OR8D1: variants seen among roughly 807,000 people sequenced by gnomAD.
OR8D1 encodes the protein olfactory receptor family 8 subfamily D member 1.
For missense variants in OR8D1, 384 were observed against 366.8 expected (o/e 1.05, Z -0.38); for synonymous variants, 143 against 147.0 (o/e 0.97, Z 0.20).
rs1468739119 is a variant in OR8D1 at position 124,303,935 on chromosome 11, T to C, written c.*5905A>G. 6.6e-6 allele frequency: 1 copy of C among 152,018 alleles called. No homozygotes were observed. Among genetic ancestry groups the C allele is most frequent in the African/African-American group, 2.4e-5 (1 of 41,432 alleles). 9.4% of individuals were successfully genotyped at this position (152,018 alleles called of 1,614,324 possible). On this transcript the variant is annotated 3_prime_UTR_variant, in exon 3 of 3. Coordinates refer to ENST00000641015, the MANE Select transcript of OR8D1 (RefSeq NM_001002917.2). ...ATTGTTTATGAGCTAATATCACTTT[T>C]TACATTTTTAAATGGTTGAAAAAAA...
At chr11:124,311,482 A>T (rs1197304526) in intron 2 of OR8D1, 90 bp downstream of exon 2, 1 of 152,332 alleles carries the variant, frequency 6.6e-6, no homozygotes, top group South Asian at 2.1e-4. Flanking sequence ...TCGGACCTCA[A>T]CTATTGCCAG....
In OR8D1 at chr11:124,310,373, A is replaced by G; in HGVS notation, c.394T>C (p.Tyr132His). 6.2e-7 allele frequency: 1 copy of G among 1,613,646 alleles called. No homozygotes were observed. Among genetic ancestry groups the G allele is most frequent in the Non-Finnish European group, 8.5e-7 (1 of 1,179,874 alleles). Residue 132 changes from tyrosine to histidine, a missense_variant, in exon 3 of 3, where the codon TAT becomes CAT. Transcript: ENST00000641015. Reference sequence around the variant, plus strand: ...ACCCATGAGGACATGATCGCATTATAAAGCAGTGGGCTACAGATGGCAACA... The same window carrying G: ...ACCCATGAGGACATGATCGCATTATGAAGCAGTGGGCTACAGATGGCAACA... ...RYVAICSPLL[Y>H]NAIMSSWVCS...
intron 1 of OR8D1, 25 bp downstream of exon 1, chr11:124,313,696 G>C (rs2137795143): frequency 6.6e-6 from 1 of 152,228 alleles, no homozygotes; most frequent in Admixed American, 6.5e-5. Flanking sequence ...TAATATGATG[G>C]TCATAAAGGA....
Position 124,310,088 on chromosome 11 carries a change from G to T in OR8D1, c.679C>A (p.His227Asn). The change falls in exon 3 of 3, where the codon CAC becomes AAC. Residue 227 changes from histidine to asparagine, a missense_variant. Transcript: ENST00000641015. ...GACCGGCCCTCTGAGGAGCGGATGT[G>T]AAGGATGCTGTAGAGGATGAAGGCA... ...SYAFILYSIL[H>N]IRSSEGRSKA... 1.2e-6 allele frequency: 2 copies of T among 1,613,638 alleles called. No homozygotes were observed. The highest frequency in any genetic ancestry group is 2.2e-5 in the South Asian group (2 of 91,062).
At position 124,306,985 on chromosome 11, in the gene OR8D1, G is replaced by C. The variant is rs575193053; in HGVS notation, c.*2855C>G. The C allele has an allele frequency of 2.2e-4, 33 of 152,078 alleles. No homozygotes were observed. The South Asian group carries it at 3.9e-3, about 18-fold the overall frequency. The allele number at this position is 152,078 out of a possible 1,614,324, so 9.4% of individuals were successfully genotyped here. A position where few individuals can be genotyped will look rare whatever the true frequency, so the allele number is the denominator to read the frequency against. On this transcript the variant is annotated 3_prime_UTR_variant, in exon 3 of 3. Transcript: ENST00000641015. ...CATATTTTAGAAACAATATATCCTT[G>C]GTTATCCTTGCCTATGAAATTCTAC...
In OR8D1 at chr11:124,307,620, A is replaced by G. The variant is rs904615770; in HGVS notation, c.*2220T>C. On this transcript the variant is annotated 3_prime_UTR_variant, in exon 3 of 3. Transcript: ENST00000641015. Reference sequence around the variant, plus strand: ...TAGCAACTGCGAAAGCCACTTAAGAATCAGAAAATATTGGTGCAGCTTAAA... The same window carrying G: ...TAGCAACTGCGAAAGCCACTTAAGAGTCAGAAAATATTGGTGCAGCTTAAA... 1 of 152,168 alleles carries G rather than the reference A, an allele frequency of 6.6e-6. No individual in the cohort carries two copies. Among genetic ancestry groups the G allele is most frequent in the Non-Finnish European group, 1.5e-5 (1 of 68,020 alleles). The allele number at this position is 152,168 out of a possible 1,614,324, so 9.4% of individuals were successfully genotyped here. A position where few individuals can be genotyped will look rare whatever the true frequency, so the allele number is the denominator to read the frequency against.
chr11:124,310,673 G>A lies in OR8D1; in HGVS notation c.94C>T (p.Leu32=). 1 of 1,613,970 alleles carries A rather than the reference G, an allele frequency of 6.2e-7. No homozygotes were observed. Among genetic ancestry groups the A allele is most frequent in the Non-Finnish European group, 8.5e-7 (1 of 1,179,876 alleles). ...ELQLPLFLLF[L]GIYVVTVVGN... Reference sequence around the variant, plus strand: ...ACTACTGTGACCACATAGATTCCCAGGAACAGGAGGAAGAGGGGCAGCTGG... The same window carrying A: ...ACTACTGTGACCACATAGATTCCCAAGAACAGGAGGAAGAGGGGCAGCTGG... The change falls in exon 3 of 3, where the codon CTG becomes TTG. Residue 32 remains leucine, a synonymous_variant. Transcript: ENST00000641015.
rs564490920 is a variant in OR8D1, at chr11:124,310,769, T to G, written c.-3A>C. The stretch of plus-strand genomic sequence containing the variant: ...ATAGAATAATTTTCCATGGTCATTC[T>G]TCTTTAGGCATTTCTGTGAAAATAG... On this transcript the variant is annotated 5_prime_UTR_variant, in exon 3 of 3. Coordinates refer to ENST00000641015, the MANE Select transcript of OR8D1 (RefSeq NM_001002917.2). 3.7e-6 allele frequency: 6 copies of G among 1,602,618 alleles called. No individual in the cohort carries two copies. The South Asian group carries it at 5.6e-5, about 15-fold the overall frequency.
At position 124,306,494 on chromosome 11, in the gene OR8D1, G is replaced by A. The variant is rs1014775514; in HGVS notation, c.*3346C>T. On this transcript the variant is annotated 3_prime_UTR_variant, in exon 3 of 3. Coordinates refer to ENST00000641015, the MANE Select transcript of OR8D1 (RefSeq NM_001002917.2). ...GTATTAACTTCAAATCACCATTTAC[G>A]TATTTTTATTTTGGTCAGCTAAAAT... 5 of 150,872 alleles carry A rather than the reference G, an allele frequency of 3.3e-5. No homozygotes were observed. Among genetic ancestry groups the A allele is most frequent in the African/African-American group, 4.9e-5 (2 of 41,118 alleles). The allele number at this position is 150,872 out of a possible 1,614,324, so 9.3% of individuals were successfully genotyped here. A position where few individuals can be genotyped will look rare whatever the true frequency, so the allele number is the denominator to read the frequency against.
Position 124,310,103 on chromosome 11 carries a change from G to C in OR8D1, c.664C>G (p.Leu222Val). ...GAGCGGATGTGAAGGATGCTGTAGAGGATGAAGGCATAGGAGACAGCAACA... is the reference window on the plus strand; with the variant it reads ...GAGCGGATGTGAAGGATGCTGTAGACGATGAAGGCATAGGAGACAGCAACA... ...LAVAVSYAFI[L>V]YSILHIRSSE... is the part of the protein sequence containing the mutation. The change falls in exon 3 of 3, where the codon CTC becomes GTC. Residue 222 changes from leucine to valine, a missense_variant. Transcript: ENST00000641015. 6.2e-7 allele frequency: 1 copy of C among 1,613,680 alleles called. No individual in the cohort carries two copies. The highest frequency in any genetic ancestry group is 8.5e-7 in the Non-Finnish European group (1 of 1,179,826).
chr11:124,310,136 T>C lies in OR8D1; in HGVS notation c.631A>G (p.Thr211Ala). 6.2e-7 allele frequency: 1 copy of C among 1,613,520 alleles called. No individual in the cohort carries two copies. Reference sequence around the variant, plus strand: ...GCATAGGAGACAGCAACAGCTAGGGTGGGCACCAAGGTGTTAAACCCCGCA... The same window carrying C: ...GCATAGGAGACAGCAACAGCTAGGGCGGGCACCAAGGTGTTAAACCCCGCA... ...IIAGFNTLVP[T>A]LAVAVSYAFI... The change falls in exon 3 of 3, where the codon ACC becomes GCC. Residue 211 changes from threonine (T) to alanine (A), a missense_variant. Thr to Ala is a moderately conservative substitution (Grantham distance 58). Coordinates refer to ENST00000641015, the MANE Select transcript of OR8D1 (RefSeq NM_001002917.2).
intron 1 of OR8D1, among the ~76,000 whole-genome samples, chr11:124,312,929 T>A (rs1028269386): frequency 6.6e-6 from 1 of 151,906 alleles, no homozygotes; most frequent in Non-Finnish European, 1.5e-5. Context: ...ATCCCAGAAC[T>A]TTGGGAGGCT....
In OR8D1 at chr11:124,307,936, A is replaced by G. The variant is rs911211506; in HGVS notation, c.*1904T>C. 6.6e-6 allele frequency: 1 copy of G among 152,038 alleles called. No homozygotes were observed. The highest frequency in any genetic ancestry group is 1.5e-5 in the Non-Finnish European group (1 of 67,996). 9.4% of individuals were successfully genotyped at this position (152,038 alleles called of 1,614,324 possible). A position where few individuals can be genotyped will look rare whatever the true frequency, so the allele number is the denominator to read the frequency against. On this transcript the variant is annotated 3_prime_UTR_variant, in exon 3 of 3. Coordinates refer to ENST00000641015, the MANE Select transcript of OR8D1 (RefSeq NM_001002917.2). ...AGATTTCACTCATGAACCAAAAAATAAAAAATAAAAATAAAAATAACGGGG... is the reference window on the plus strand; with the variant it reads ...AGATTTCACTCATGAACCAAAAAATGAAAAATAAAAATAAAAATAACGGGG...
chr11:124,310,714 G>A lies in OR8D1; in HGVS notation c.53C>T (p.Thr18Ile). The change falls in exon 3 of 3, where the codon ACA (threonine) becomes ATA (isoleucine). Residue 18 changes from threonine to isoleucine, a missense_variant. Thr to Ile is a moderately conservative substitution (Grantham distance 89, BLOSUM62 -1). Transcript: ENST00000641015. ...MAAQFVLDGL[T>I]QQAELQLPLF... ...GGGCAGCTGGAGCTCTGCTTGCTGT[G>A]TTAAACCATCTAAGACAAACTGAGC... The A allele has an allele frequency of 1.9e-6, 3 of 1,613,666 alleles. No individual in the cohort carries two copies. The highest frequency in any genetic ancestry group is 2.5e-6 in the Non-Finnish European group (3 of 1,179,764).
Position 124,310,171 on chromosome 11 carries a change from A to C in OR8D1, c.596T>G (p.Leu199Arg). The change falls in exon 3 of 3, where the codon CTT (leucine) becomes CGT (arginine). Residue 199 changes from leucine (L) to arginine (R), a missense_variant. Transcript: ENST00000641015. ...CSNTHLNELL[L>R]FIIAGFNTLV... ...GGTGTTAAACCCCGCAATGATAAAAAGTAGAAGCTCATTGAGGTGTGTGTT... is the reference window on the plus strand; with the variant it reads ...GGTGTTAAACCCCGCAATGATAAAACGTAGAAGCTCATTGAGGTGTGTGTT... The C allele has an allele frequency of 2.5e-6, 4 of 1,613,740 alleles. No individual in the cohort carries two copies. Among genetic ancestry groups the C allele is most frequent in the Non-Finnish European group, 3.4e-6 (4 of 1,179,894 alleles).
chr11:124,313,244 G>A lies in OR8D1; in HGVS notation c.-122+477C>T, dbSNP rs533678984. Reference sequence around the variant, plus strand: ...AAAGAAGGAAAGAAAGAAGGAGGGAGGGAGGGAAGGAAGGAGGGAAGGAAG... The same window carrying A: ...AAAGAAGGAAAGAAAGAAGGAGGGAAGGAGGGAAGGAAGGAGGGAAGGAAG... On this transcript the variant is annotated intron_variant, in intron 1 of 2. Transcript: ENST00000641015. Among the ~76,000 whole-genome samples, 3 of 142,410 alleles carry A rather than the reference G, an allele frequency of 2.1e-5. No homozygotes were observed. The South Asian group carries it at 6.7e-4, about 32-fold the overall frequency. The allele number at this position is 142,410 out of a possible 152,430, so 93.4% of individuals were successfully genotyped here.
In OR8D1 at chr11:124,307,935, T is replaced by TA. The variant is rs985502043; in HGVS notation, c.*1904dup. On this transcript the variant is annotated 3_prime_UTR_variant, in exon 3 of 3. Transcript: ENST00000641015. ...TAGATTTCACTCATGAACCAAAAAA[T>TA]AAAAAATAAAAATAAAAATAACGGG... is the stretch of plus-strand genomic sequence containing the variant. The TA allele has an allele frequency of 6.6e-6, 1 of 151,550 alleles. No individual in the cohort carries two copies. Among genetic ancestry groups the TA allele is most frequent in the African/African-American group, 2.4e-5 (1 of 41,282 alleles). The allele number at this position is 151,550 out of a possible 1,614,324, so 9.4% of individuals were successfully genotyped here. A position where few individuals can be genotyped will look rare whatever the true frequency, so the allele number is the denominator to read the frequency against.
At position 124,305,538 on chromosome 11, in the gene OR8D1, T is replaced by A. The variant is rs1862362042; in HGVS notation, c.*4302A>T. On this transcript the variant is annotated 3_prime_UTR_variant, in exon 3 of 3. Coordinates refer to ENST00000641015, the MANE Select transcript of OR8D1 (RefSeq NM_001002917.2). ...AGTGGGTACTTCTTGAAGATGGGTA[T>A]TGACTCGGGAAAAGCAAAAGGGGGC... 6.6e-6 allele frequency: 1 copy of A among 151,708 alleles called. No homozygotes were observed. The allele number at this position is 151,708 out of a possible 1,614,324, so 9.4% of individuals were successfully genotyped here. A position where few individuals can be genotyped will look rare whatever the true frequency, so the allele number is the denominator to read the frequency against.
In OR8D1 at chr11:124,305,673, A is replaced by T. The variant is rs1862363570; in HGVS notation, c.*4167T>A. ...TACTCTTGGTGCATTTTCTGTGTAT[A>T]CATATATAAAATTCATTAAAATGCA... is the stretch of plus-strand genomic sequence containing the variant. On this transcript the variant is annotated 3_prime_UTR_variant, in exon 3 of 3. Transcript: ENST00000641015. The T allele has an allele frequency of 6.6e-6, 1 of 151,856 alleles. No homozygotes were observed. The allele number at this position is 151,856 out of a possible 1,614,324, so 9.4% of individuals were successfully genotyped here. A position where few individuals can be genotyped will look rare whatever the true frequency, so the allele number is the denominator to read the frequency against.
Sources: allele counts gnomAD v4.1 joint callset (sites outside exome capture counted in the v4.1 genomes callset), GRCh38; gene constraint gnomAD v4.1.1; transcripts MANE v1.5; gene names NCBI Gene and HGNC (gene_info 2026-07-23, HGNC 2026-07-21).